The following RGS4 variants were observed in gnomAD, a reference collection of about 807,000 sequenced individuals.
RGS4 encodes regulator of G protein signaling 4, also known as schizophrenia disorder 9.
In RGS4, 15 loss-of-function variants were observed where a neutral mutation model predicts 21.6. The ratio of observed to expected loss-of-function variants is 0.69; its 90% CI spans 0.46 to 1.07. The LOEUF (loss-of-function observed/expected upper bound fraction) is 1.07. RGS4 is among the 50% of genes least tolerant of loss of function. The probability of loss-of-function intolerance (pLI) is 0.00; values close to 1 mark genes in which losing one functional copy is unlikely to be tolerated. For missense variants in RGS4, 237 were observed against 239.0 expected (o/e 0.99, Z 0.06); for synonymous variants, 94 against 85.5 (o/e 1.10, Z -0.55).
chr1:163,071,208 C>CA (rs1408954198), intron 1 of RGS4, among the ~76,000 whole-genome samples: 2 of 152,026 alleles, frequency 1.3e-5, no homozygotes, highest in Admixed American at 1.3e-4. Context: ...ATCCCCTGAA[C>CA]AGTCATCAGT....
intron 1 of RGS4, chr1:163,071,901 T>G: frequency 1.4e-6 from 1 of 721,210 alleles, no homozygotes; most frequent in Non-Finnish European, 1.6e-6. Flanking sequence ...CTGAATAGAC[T>G]TTTACTTTCC....
In RGS4 at chr1:163,076,774, A is replaced by G. The variant is rs1655515089; in HGVS notation, c.*2214A>G. 1 of 152,058 alleles carries G rather than the reference A, an allele frequency of 6.6e-6. No individual in the cohort carries two copies. Among genetic ancestry groups the G allele is most frequent in the Non-Finnish European group, 1.5e-5 (1 of 68,016 alleles). 9.4% of individuals were successfully genotyped at this position (152,058 alleles called of 1,614,324 possible). ...GTGAAACACACGCATCTTAATAATA[A>G]GGGTAAATAAACGCTCCATATGAAA... is the stretch of plus-strand genomic sequence containing the variant. On this transcript the variant is annotated 3_prime_UTR_variant, in exon 5 of 5. Transcript: ENST00000367909.
Position 163,074,811 on chromosome 1 carries a change from A to G in RGS4, c.*251A>G, listed in dbSNP as rs1655444313. On this transcript the variant is annotated 3_prime_UTR_variant, in exon 5 of 5. Coordinates refer to ENST00000367909, the MANE Select transcript of RGS4 (RefSeq NM_005613.6). ...CTTTGAGGGTTCCATGGGAGCAAAT[A>G]TCTAAATAATGGCCTGGTAGGTCTG... 1 of 618,990 alleles carries G rather than the reference A, an allele frequency of 1.6e-6. No individual in the cohort carries two copies. The highest frequency in any genetic ancestry group is 2.0e-5 in the South Asian group (1 of 51,038). 38.3% of individuals were successfully genotyped at this position (618,990 alleles called of 1,614,324 possible).
chr1:163,072,169 T>C (rs1655339684), intron 1 of RGS4: 6 of 1,108,158 alleles, frequency 5.4e-6, no homozygotes, highest in Non-Finnish European at 6.9e-6. Context: ...AGAATTCCAG[T>C]TGTGGATGAA....
At chr1:163,071,868 C>CG (rs1655323763) in intron 1 of RGS4, 1 of 51,544 alleles carries the variant, frequency 1.9e-5, no homozygotes, top group Non-Finnish European at 5.5e-5. Flanking sequence ...CCCCCCCCCC[C>CG]CCCCCAACAT....
rs577355257 is a variant in RGS4 at position 163,076,111 on chromosome 1, G to C, written c.*1551G>C. On this transcript the variant is annotated 3_prime_UTR_variant, in exon 5 of 5. Coordinates refer to ENST00000367909, the MANE Select transcript of RGS4 (RefSeq NM_005613.6). ...ATATTGTTTTATAAATGGAGGTACA[G>C]GATATCACCTGAATTATTAATGAAT... 2 of 152,676 alleles carry C rather than the reference G, an allele frequency of 1.3e-5. No homozygotes were observed. Among genetic ancestry groups the C allele is most frequent in the African/African-American group, 4.8e-5 (2 of 41,558 alleles). 9.5% of individuals were successfully genotyped at this position (152,676 alleles called of 1,614,324 possible).
In RGS4 at chr1:163,072,923, C is replaced by A. The variant is rs535285475; in HGVS notation, c.211+57C>A. ...TCTGGATAAGACAAGTTATATTATG[C>A]TGGTCTAATAGAAACTGCAGCAAGG... is the stretch of plus-strand genomic sequence containing the variant. On this transcript the variant is annotated intron_variant, in intron 3 of 4. Transcript: ENST00000367909. 9 of 1,447,022 alleles carry A rather than the reference C, an allele frequency of 6.2e-6. No individual in the cohort carries two copies. The Admixed American group carries it at 8.6e-5, about 14-fold the overall frequency. The allele number at this position is 1,447,022 out of a possible 1,614,324, so 89.6% of individuals were successfully genotyped here. A position where few individuals can be genotyped will look rare whatever the true frequency, so the allele number is the denominator to read the frequency against.
At position 163,072,252 on chromosome 1, in the gene RGS4, A is replaced by T. The variant is rs931485299; in HGVS notation, c.45-143A>T. Reference sequence around the variant, plus strand: ...AACCAAGAGGAATCTTGTTTTCCTCAGAGGTCATGCCAACTCCAACTCCCG... The same window carrying T: ...AACCAAGAGGAATCTTGTTTTCCTCTGAGGTCATGCCAACTCCAACTCCCG... On this transcript the variant is annotated intron_variant, in intron 1 of 4. Coordinates refer to ENST00000367909, the MANE Select transcript of RGS4 (RefSeq NM_005613.6). 6 of 886,062 alleles carry T rather than the reference A, an allele frequency of 6.8e-6. No homozygotes were observed. In the Admixed American group the frequency reaches 1.6e-4, roughly 23 times the overall value. 54.9% of individuals were successfully genotyped at this position (886,062 alleles called of 1,614,324 possible).
In RGS4 at chr1:163,074,667, C is replaced by A. The variant is rs1430693367; in HGVS notation, c.*107C>A. ...CTCCAGTGCTTTATCCACATTGTAGCCTAATATTCATGCTGCCTGCCATGT... is the reference window on the plus strand; with the variant it reads ...CTCCAGTGCTTTATCCACATTGTAGACTAATATTCATGCTGCCTGCCATGT... On this transcript the variant is annotated 3_prime_UTR_variant, in exon 5 of 5. Transcript: ENST00000367909. 6.7e-7 allele frequency: 1 copy of A among 1,495,276 alleles called. No individual in the cohort carries two copies. Among genetic ancestry groups the A allele is most frequent in the Non-Finnish European group, 9.3e-7 (1 of 1,076,578 alleles). 92.6% of individuals were successfully genotyped at this position (1,495,276 alleles called of 1,614,324 possible).
At position 163,074,598 on chromosome 1, in the gene RGS4, C is replaced by T. The variant is rs768614270; in HGVS notation, c.*38C>T. On this transcript the variant is annotated 3_prime_UTR_variant, in exon 5 of 5. Coordinates refer to ENST00000367909, the MANE Select transcript of RGS4 (RefSeq NM_005613.6). Reference sequence around the variant, plus strand: ...GGCAGAGGGATGAAATGCCAAGACTCTATGCTCTGGAAAACCTGAGGCCAA... The same window carrying T: ...GGCAGAGGGATGAAATGCCAAGACTTTATGCTCTGGAAAACCTGAGGCCAA... 6.8e-6 allele frequency: 11 copies of T among 1,613,616 alleles called. No individual in the cohort carries two copies. The Admixed American group carries it at 1.2e-4, about 17-fold the overall frequency.
At position 163,073,577 on chromosome 1, in the gene RGS4, C is replaced by T. The variant is rs1444374767; in HGVS notation, c.333C>T (p.Ala111=). Residue 111 remains alanine (A), a synonymous_variant, in exon 4 of 5, where the codon GCC becomes GCT. Coordinates refer to ENST00000367909, the MANE Select transcript of RGS4 (RefSeq NM_005613.6). The part of the protein sequence containing the change: ...IKSPSKLSPK[A]KKIYNEFISV... ...CACCATCTAAACTAAGTCCCAAGGC[C>T]AAAAAGATCTATAATGAATTCATCT... 1.2e-6 allele frequency: 2 copies of T among 1,609,416 alleles called. No individual in the cohort carries two copies. Among genetic ancestry groups the T allele is most frequent in the South Asian group, 2.2e-5 (2 of 90,240 alleles).
intron 1 of RGS4, among the ~76,000 whole-genome samples, chr1:163,069,805 C>A (rs1039682608): frequency 1.3e-5 from 2 of 152,046 alleles, no homozygotes; most frequent in East Asian, 1.9e-4. Context: ...AATTAAGAAG[C>A]GAGATGAGGT....
Position 163,074,569 on chromosome 1 carries a change from T to C in RGS4, c.*9T>C. The C allele has an allele frequency of 6.2e-7, 1 of 1,613,902 alleles. No homozygotes were observed. The highest frequency in any genetic ancestry group is 1.1e-5 in the South Asian group (1 of 91,084). ...TCCCTCAGTGTGCCTAATTCTCACC[T>C]GAAGGCAGAGGGATGAAATGCCAAG... On this transcript the variant is annotated 3_prime_UTR_variant, in exon 5 of 5. Coordinates refer to ENST00000367909, the MANE Select transcript of RGS4 (RefSeq NM_005613.6).
Position 163,074,491 on chromosome 1 carries a change from T to C in RGS4, c.549T>C (p.Cys183=). ...TTGATTTGGTCAACCCGTCCAGCTG[T>C]GGGGCAGAAAAGCAGAAAGGAGCCA... The part of the protein sequence containing the change: ...FYLDLVNPSS[C]GAEKQKGAKS... The change falls in exon 5 of 5, where the codon TGT becomes TGC. Residue 183 remains cysteine, a synonymous_variant. Transcript: ENST00000367909. 6.2e-7 allele frequency: 1 copy of C among 1,613,846 alleles called. No homozygotes were observed. The highest frequency in any genetic ancestry group is 8.5e-7 in the Non-Finnish European group (1 of 1,179,858).
At position 163,073,552 on chromosome 1, in the gene RGS4, C is replaced by A. The variant is rs139643075; in HGVS notation, c.308C>A (p.Ser103Ter). 6.2e-7 allele frequency: 1 copy of A among 1,612,260 alleles called. No individual in the cohort carries two copies. Among genetic ancestry groups the A allele is most frequent in the East Asian group, 2.2e-5 (1 of 44,750 alleles). Residue 103 changes from serine (S) to a stop codon, truncating the protein, a stop_gained, in exon 4 of 5, where the codon TCA becomes TAA. Coordinates refer to ENST00000367909, the MANE Select transcript of RGS4 (RefSeq NM_005613.6). LOFTEE classifies it high-confidence loss of function. ...ISCEEYKKIK[S>*]PSKLSPKAKK... is the part of the protein sequence containing the mutation. Reference sequence around the variant, plus strand: ...TGTGAAGAGTACAAGAAAATCAAATCACCATCTAAACTAAGTCCCAAGGCC... The same window carrying A: ...TGTGAAGAGTACAAGAAAATCAAATAACCATCTAAACTAAGTCCCAAGGCC...
At chr1:163,071,525 T>C (rs1655299269) in intron 1 of RGS4, among the ~76,000 whole-genome samples, 1 of 152,112 alleles carries the variant, frequency 6.6e-6, no homozygotes, top group Admixed American at 6.6e-5. Flanking sequence ...TTAAGGCTTA[T>C]TAAAAGACCC....
In RGS4 at chr1:163,075,102, TACACACACAC is replaced by T. The variant is rs5778313; in HGVS notation, c.*561_*570del. On this transcript the variant is annotated 3_prime_UTR_variant, in exon 5 of 5. Coordinates refer to ENST00000367909, the MANE Select transcript of RGS4 (RefSeq NM_005613.6). ...ACATATGTATGTGTGAGTGTATGTA[TACACACACAC>T]ACACACACACACACACACTTTTGCA... 6.4e-5 allele frequency: 10 copies of T among 156,262 alleles called. No individual in the cohort carries two copies. Among genetic ancestry groups the T allele is most frequent in the Admixed American group, 3.6e-4 (6 of 16,632 alleles). The allele number at this position is 156,262 out of a possible 1,614,324, so 9.7% of individuals were successfully genotyped here. A position where few individuals can be genotyped will look rare whatever the true frequency, so the allele number is the denominator to read the frequency against.
Position 163,072,864 on chromosome 1 carries a change from A to C in RGS4, c.209A>C (p.Glu70Ala), listed in dbSNP as rs374939117. The C allele has an allele frequency of 8.7e-6, 14 of 1,612,676 alleles. No homozygotes were observed. In the African/African-American group the frequency reaches 1.6e-4, roughly 18 times the overall value. The change falls in exon 3 of 5, where the codon GAA becomes GCA. Residue 70 changes from glutamate (E) to alanine (A), a missense_variant and splice_region_variant. Transcript: ENST00000367909. Reference protein sequence around the residue: ...AESLENLISHECGLAAFKAFL... With the variant: ...AESLENLISHACGLAAFKAFL... Reference sequence around the variant, plus strand: ...TCACTGGAAAACCTGATTAGTCATGAATGTAAGTCTGACAGCAACCTGGGA... The same window carrying C: ...TCACTGGAAAACCTGATTAGTCATGCATGTAAGTCTGACAGCAACCTGGGA...
At chr1:163,072,953 G>T (rs1287585805) in intron 3 of RGS4, 87 bp downstream of exon 3, 1 of 1,137,466 alleles carries the variant, frequency 8.8e-7, no homozygotes. Flanking sequence ...GCAAGGCCTG[G>T]CTTCTTTCTG....
Sources: allele counts gnomAD v4.1 joint callset (sites outside exome capture counted in the v4.1 genomes callset), GRCh38; gene constraint gnomAD v4.1.1; transcripts MANE v1.5; gene names NCBI Gene and HGNC (gene_info 2026-07-23, HGNC 2026-07-21).